The following CHMP1A variants were observed in gnomAD, a reference collection of about 807,000 sequenced individuals.
The protein encoded by CHMP1A is charged multivesicular body protein 1A, also known as VPS46 homolog A.
In CHMP1A, 17 loss-of-function variants were observed where a neutral mutation model predicts 27.0. The observed-to-expected ratio is 0.63, with a 90% CI of 0.43 to 0.95. The LOEUF is 0.95. Ranked by LOEUF, CHMP1A falls within the 40% of genes least tolerant of loss-of-function variation. CHMP1A has a pLI of 0.00. For synonymous variants in CHMP1A, 131 were observed against 107.5 expected, an observed-to-expected ratio of 1.22 and a Z score of -1.35; for missense variants, 275 against 264.0, an observed-to-expected ratio of 1.04 and a Z score of -0.29.
At position 89,645,949 on chromosome 16, in the gene CHMP1A, G is replaced by A. The variant is rs900093048; in HGVS notation, c.*117C>T. The A allele has an allele frequency of 1.6e-5, 26 of 1,610,958 alleles. No homozygotes were observed. The highest frequency in any genetic ancestry group is 2.7e-5 in the African/African-American group (2 of 74,904). ...GCAGGCCTGGCAGGTGAGAGACGCA[G>A]AGTGGCTGCCGGCCGCAGCCCCGCG... On this transcript the variant is annotated 3_prime_UTR_variant, in exon 7 of 7. Coordinates refer to ENST00000397901, the MANE Select transcript of CHMP1A (RefSeq NM_002768.5).
chr16:89,653,491 T>A (rs1439972398), intron 2 of CHMP1A, among the ~76,000 whole-genome samples: 1 of 149,642 alleles, frequency 6.7e-6, no homozygotes, highest in Non-Finnish European at 1.5e-5. Flanking sequence ...GGCATGGTGG[T>A]GGGCGCCTGT....
Position 89,654,753 on chromosome 16 carries a change from T to C in CHMP1A, c.8-830A>G, listed in dbSNP as rs187371945. 1.9e-3 allele frequency among the ~76,000 whole-genome samples: 283 copies of C among 152,212 alleles called. 1 individual carries two copies. Among genetic ancestry groups the C allele is most frequent in the Admixed American group, 3.5e-3 (53 of 15,282 alleles). On this transcript the variant is annotated intron_variant, in intron 1 of 6. Transcript: ENST00000397901. ...GTCAGGAGATCGAGACCATCCTGGC[T>C]AACACGGTAAAAGCCCGTCTCTACC...
chr16:89,657,451 G>A, intron 1 of CHMP1A, 131 bp downstream of exon 1: 1 of 1,149,510 alleles, frequency 8.7e-7, no homozygotes, highest in Non-Finnish European at 1.2e-6. Context: ...ATGGGGTCCC[G>A]GGGGATCGAC....
intron 1 of CHMP1A, among the ~76,000 whole-genome samples, chr16:89,657,094 G>C (rs1193651792): frequency 3.5e-5 from 5 of 144,316 alleles, no homozygotes; most frequent in Non-Finnish European, 7.7e-5. Context: ...CCCGGGTCGA[G>C]GGTCGAGGCC....
chr16:89,645,968 C>A lies in CHMP1A; in HGVS notation c.*98G>T. 6.2e-7 allele frequency: 1 copy of A among 1,611,444 alleles called. No individual in the cohort carries two copies. On this transcript the variant is annotated 3_prime_UTR_variant, in exon 7 of 7. Coordinates refer to ENST00000397901, the MANE Select transcript of CHMP1A (RefSeq NM_002768.5). ...GACGCAGAGTGGCTGCCGGCCGCAG[C>A]CCCGCGGGGTCAGCACAAAGGCAAG... is the stretch of plus-strand genomic sequence containing the variant.
At chr16:89,649,658 C>G (rs996201237) in intron 3 of CHMP1A, 161 bp from the exon 4 acceptor site, 21 of 785,250 alleles carry the variant, frequency 2.7e-5, no homozygotes, top group Non-Finnish European at 3.8e-5. Context: ...TCAACGCAAG[C>G]TCCGCCCCCC....
At position 89,650,660 on chromosome 16, in the gene CHMP1A, G is replaced by A. The variant is rs1267146136; in HGVS notation, c.105+909C>T. Among the ~76,000 whole-genome samples, 5 of 151,860 alleles carry A rather than the reference G, an allele frequency of 3.3e-5. No individual in the cohort carries two copies. In the South Asian group the frequency reaches 1.0e-3, roughly 32 times the overall value. On this transcript the variant is annotated intron_variant, in intron 3 of 6. Coordinates refer to ENST00000397901, the MANE Select transcript of CHMP1A (RefSeq NM_002768.5). ...ATCTCTACTAAAAATACAAAAATTA[G>A]CCAGGTGTGGTGGCGCATGCTTGTA...
rs1020777838 is a variant in CHMP1A at position 89,657,699 on chromosome 16, C to T, written c.-111G>A. Reference sequence around the variant, plus strand: ...CCAAGCTGCACCCGGCGGGGACTTCCGGGGTCGCCGCCCCACTTCCGGTCG... The same window carrying T: ...CCAAGCTGCACCCGGCGGGGACTTCTGGGGTCGCCGCCCCACTTCCGGTCG... On this transcript the variant is annotated 5_prime_UTR_variant, in exon 1 of 7. Coordinates refer to ENST00000397901, the MANE Select transcript of CHMP1A (RefSeq NM_002768.5). 3 of 1,558,760 alleles carry T rather than the reference C, an allele frequency of 1.9e-6. No homozygotes were observed. Among genetic ancestry groups the T allele is most frequent in the East Asian group, 2.5e-5 (1 of 40,798 alleles).
intron 5 of CHMP1A, 110 bp downstream of exon 5, chr16:89,647,093 C>A (rs1264866390): frequency 1.9e-6 from 3 of 1,538,526 alleles, no homozygotes; most frequent in Admixed American, 3.9e-5. Flanking sequence ...CAGGGAGCAA[C>A]CACAGGTATG....
intron 3 of CHMP1A, 38 bp from the exon 4 acceptor site, chr16:89,649,535 T>C: frequency 6.2e-7 from 1 of 1,611,910 alleles, no homozygotes; most frequent in South Asian, 1.1e-5. Context: ...AAGAGCTTGG[T>C]GGTGTGTGTG....
rs1322327473 is a variant in CHMP1A at position 89,645,631 on chromosome 16, T to C, written c.*435A>G. 1.6e-5 allele frequency: 5 copies of C among 317,082 alleles called. No individual in the cohort carries two copies. Among genetic ancestry groups the C allele is most frequent in the East Asian group, 1.2e-4 (1 of 8,194 alleles). 19.6% of individuals were successfully genotyped at this position (317,082 alleles called of 1,614,324 possible). ...AGACCTGTGGTGCCTCCTTGGGCTATGTCTGTCCACATGGTGGGACCTCCT... is the reference window on the plus strand; with the variant it reads ...AGACCTGTGGTGCCTCCTTGGGCTACGTCTGTCCACATGGTGGGACCTCCT... On this transcript the variant is annotated 3_prime_UTR_variant, in exon 7 of 7. Transcript: ENST00000397901.
chr16:89,646,432 A>G, intron 6 of CHMP1A, 95 bp downstream of exon 6: 1 of 1,327,506 alleles, frequency 7.5e-7, no homozygotes. Context: ...CCTCAGCCCA[A>G]GCTCTCCTCC....
intron 6 of CHMP1A, 26 bp from the exon 7 acceptor site, chr16:89,646,113 T>TCAGGG: frequency 6.5e-7 from 1 of 1,530,180 alleles, no homozygotes; most frequent in Middle Eastern, 2.3e-4. Flanking sequence ...AGGACTCGGG[T>TCAGGG]CAGGGCAGGG....
rs138665956 is a variant in CHMP1A at position 89,645,369 on chromosome 16, T to G, written c.*697A>C. The G allele has an allele frequency of 4.8e-3, 732 of 153,856 alleles. 4 individuals carry two copies. The highest frequency in any genetic ancestry group is 0.017 in the African/African-American group (707 of 41,434). The allele number at this position is 153,856 out of a possible 1,614,324, so 9.5% of individuals were successfully genotyped here. On this transcript the variant is annotated 3_prime_UTR_variant, in exon 7 of 7. Coordinates refer to ENST00000397901, the MANE Select transcript of CHMP1A (RefSeq NM_002768.5). ...GGCACCTCCAGAGGCAGCAGCTGAGTGAGGATGAAGACTGCAGGGTGGGCA... is the reference window on the plus strand; with the variant it reads ...GGCACCTCCAGAGGCAGCAGCTGAGGGAGGATGAAGACTGCAGGGTGGGCA...
At chr16:89,651,475 A>G in intron 3 of CHMP1A, 94 bp downstream of exon 3, 1 of 1,085,760 alleles carries the variant, frequency 9.2e-7, no homozygotes, top group Non-Finnish European at 1.4e-6. Flanking sequence ...CCTCCCCAAA[A>G]GGCATCAAAA....
intron 5 of CHMP1A, 128 bp downstream of exon 5, chr16:89,647,075 G>T (rs1359756218): frequency 6.5e-7 from 1 of 1,533,758 alleles, no homozygotes; most frequent in Non-Finnish European, 8.7e-7. Flanking sequence ...GAGGATGCTT[G>T]GTGACGTCAG....
At chr16:89,656,378 C>A (rs571002117) in intron 1 of CHMP1A, among the ~76,000 whole-genome samples, 21 of 152,236 alleles carry the variant, frequency 1.4e-4, no homozygotes, top group African/African-American at 4.6e-4. Context: ...ACCTTGCGAT[C>A]CGCCGGCCTC....
At chr16:89,653,716 G>A (rs952309042) in intron 2 of CHMP1A, among the ~76,000 whole-genome samples, 188 bp downstream of exon 2, 3 of 149,204 alleles carry the variant, frequency 2.0e-5, no homozygotes, top group African/African-American at 7.4e-5. Flanking sequence ...CCTCAGATAA[G>A]AAAAGAGCTA....
intron 2 of CHMP1A, among the ~76,000 whole-genome samples, chr16:89,653,067 G>A (rs913339963): frequency 7.1e-6 from 1 of 141,300 alleles, no homozygotes; most frequent in Admixed American, 7.4e-5. Flanking sequence ...ACCCAGGCTG[G>A]AGTGCAGTGG....
Sources: gnomAD v4.1 joint callset for allele counts (sites outside exome capture counted in the v4.1 genomes callset) on GRCh38, gnomAD v4.1.1 for gene constraint, MANE v1.5 for transcripts, NCBI Gene and HGNC (gene_info 2026-07-23, HGNC 2026-07-21) for gene names.